GRIK2: variants seen among roughly 807,000 people sequenced by gnomAD.
GRIK2 encodes the protein glutamate receptor ionotropic, kainate 2.
GRIK2 carries 32 observed loss-of-function variants against 100.3 expected under a neutral mutation model. The ratio of observed to expected loss-of-function variants is 0.32; its 90% CI spans 0.24 to 0.43. The LOEUF (loss-of-function observed/expected upper bound fraction) is 0.43, where lower values mean the gene tolerates loss of function less well. Ranked by LOEUF, GRIK2 falls within the 20% of genes least tolerant of loss-of-function variation. The pLI, the probability that GRIK2 is intolerant of heterozygous loss-of-function variation, is 1.00. For missense variants in GRIK2, 843 were observed against 1,114.9 expected, an observed-to-expected ratio of 0.76 and a Z score of 3.47; for synonymous variants, 417 against 389.4, an observed-to-expected ratio of 1.07 and a Z score of -0.83.
At chr6:101,815,334 A>G (rs1355352176) in intron 9 of GRIK2, among the ~76,000 whole-genome samples, 1 of 152,192 alleles carries the variant, frequency 6.6e-6, no homozygotes, top group Non-Finnish European at 1.5e-5. Flanking sequence ...TGACCACAAG[A>G]AGAAATCAAA....
intron 12 of GRIK2, among the ~76,000 whole-genome samples, chr6:101,900,454 G>T (rs1431655055): frequency 1.3e-5 from 2 of 152,006 alleles, no homozygotes; most frequent in Non-Finnish European, 2.9e-5. Context: ...TCCAGCCTGG[G>T]CAACAACAAC....
intron 7 of GRIK2, among the ~76,000 whole-genome samples, chr6:101,796,879 T>C (rs1273262982): frequency 6.6e-6 from 1 of 152,090 alleles, no homozygotes; most frequent in Admixed American, 6.6e-5. Context: ...ATTATCTAAT[T>C]TTTATAATTG....
At chr6:101,903,340 T>C (rs1168463897) in intron 12 of GRIK2, among the ~76,000 whole-genome samples, 1 of 151,868 alleles carries the variant, frequency 6.6e-6, no homozygotes, top group African/African-American at 2.4e-5. Context: ...TGTGAAGTAA[T>C]GATTCATCAC....
chr6:101,878,624 C>A (rs536694608), intron 11 of GRIK2, among the ~76,000 whole-genome samples: 2 of 152,092 alleles, frequency 1.3e-5, no homozygotes, highest in African/African-American at 2.4e-5. Context: ...ATTTCCAGAA[C>A]ACATTGAGCT....
chr6:101,768,253 T>A (rs1778160817), intron 7 of GRIK2, among the ~76,000 whole-genome samples: 2 of 152,200 alleles, frequency 1.3e-5, no homozygotes, highest in Non-Finnish European at 2.9e-5. Context: ...TTTCAAGTAA[T>A]ATAAGCCATG....
intron 10 of GRIK2, among the ~76,000 whole-genome samples, chr6:101,835,756 C>T (rs1381662179): frequency 1.4e-5 from 2 of 147,686 alleles, no homozygotes; most frequent in African/African-American, 4.9e-5. Flanking sequence ...TGAACCATGG[C>T]GCCCAGCCTA....
At chr6:101,971,754 C>A (rs1038019184) in intron 14 of GRIK2, among the ~76,000 whole-genome samples, 1 of 151,840 alleles carries the variant, frequency 6.6e-6, no homozygotes, top group African/African-American at 2.4e-5. Flanking sequence ...TCCATTCCTT[C>A]CCCTTCTAGT....
intron 4 of GRIK2, among the ~76,000 whole-genome samples, chr6:101,666,389 T>C (rs773864100): frequency 1.1e-4 from 17 of 152,204 alleles, no homozygotes; most frequent in Admixed American, 2.0e-4. Context: ...AAGTGTTTAT[T>C]AGGGTTTAAT....
chr6:101,870,469 C>T (rs1785339835), intron 11 of GRIK2, among the ~76,000 whole-genome samples: 1 of 151,698 alleles, frequency 6.6e-6, no homozygotes, highest in South Asian at 2.1e-4. Context: ...GTTTTGTTTC[C>T]TCTGTGTAGG....
chr6:101,559,656 T>C (rs1430239351), intron 2 of GRIK2, among the ~76,000 whole-genome samples: 1 of 152,138 alleles, frequency 6.6e-6, no homozygotes, highest in East Asian at 1.9e-4. Context: ...CATCCTTAAC[T>C]GCCTTATAAT....
At chr6:101,568,646 G>A (rs1290755910) in intron 2 of GRIK2, among the ~76,000 whole-genome samples, 5 of 151,938 alleles carry the variant, frequency 3.3e-5, no homozygotes, top group Non-Finnish European at 7.4e-5. Context: ...TAAACTCTTG[G>A]TAATCTTACT....
intron 2 of GRIK2, among the ~76,000 whole-genome samples, chr6:101,612,062 C>A (rs933722942): frequency 6.6e-6 from 1 of 151,806 alleles, no homozygotes; most frequent in Non-Finnish European, 1.5e-5. Context: ...AGAAGCAATA[C>A]AGAATGGCAA....
intron 14 of GRIK2, among the ~76,000 whole-genome samples, chr6:102,026,713 C>T (rs1769723431): frequency 6.6e-6 from 1 of 151,270 alleles, no homozygotes; most frequent in Non-Finnish European, 1.5e-5. Context: ...TTAACTCACA[C>T]TAACACTGAG....
chr6:101,459,041 A>C (rs1019803078), intron 2 of GRIK2, among the ~76,000 whole-genome samples: 2 of 152,096 alleles, frequency 1.3e-5, no homozygotes, highest in South Asian at 4.1e-4. Flanking sequence ...ATAATGGGGG[A>C]AAAATTCTCT....
At chr6:101,976,220 A>T (rs968105116) in intron 14 of GRIK2, among the ~76,000 whole-genome samples, 3 of 151,922 alleles carry the variant, frequency 2.0e-5, no homozygotes. Flanking sequence ...CACTCAGTGG[A>T]ACTTGGAGAC....
chr6:101,827,716 A>C (rs955799455), intron 10 of GRIK2, among the ~76,000 whole-genome samples: 8 of 151,972 alleles, frequency 5.3e-5, no homozygotes, highest in Non-Finnish European at 1.0e-4. Context: ...TAAAGAGTTA[A>C]ATTCAACAAG....
chr6:101,399,093 C>T lies in GRIK2; in HGVS notation c.-185C>T, dbSNP rs2128235207. 1 of 530,620 alleles carries T rather than the reference C, an allele frequency of 1.9e-6. No homozygotes were observed. 32.9% of individuals were successfully genotyped at this position (530,620 alleles called of 1,614,324 possible). The stretch of plus-strand genomic sequence containing the variant: ...TGCAGTGGAAGGTTGTTCCTTGGCG[C>T]AGTGAGTGAAGAACATGCAGCGATT... On this transcript the variant is annotated 5_prime_UTR_variant, in exon 2 of 17. The change creates a premature stop within an existing upstream ORF in the 5' untranslated region. Transcript: ENST00000369134.
chr6:101,409,108 ATG>A (rs67806970), intron 2 of GRIK2, among the ~76,000 whole-genome samples: 15,920 of 138,202 alleles, frequency 0.12, 888 homozygotes, highest in East Asian at 0.25. Flanking sequence ...AACATTGTGT[ATG>A]TGTGTGTGTG....
chr6:101,976,417 C>T (rs1793382445), intron 14 of GRIK2, among the ~76,000 whole-genome samples: 1 of 151,938 alleles, frequency 6.6e-6, no homozygotes, highest in African/African-American at 2.4e-5. Context: ...TTCTGTGCAT[C>T]TGGGTGTGGT....
Sources: allele counts gnomAD v4.1 joint callset (sites outside exome capture counted in the v4.1 genomes callset), GRCh38; gene constraint gnomAD v4.1.1; transcripts MANE v1.5; gene names NCBI Gene and HGNC (gene_info 2026-07-23, HGNC 2026-07-21).